Variants in PARVA observed in about 807,000 individuals in gnomAD.
PARVA encodes alpha-parvin.
PARVA carries 25 observed loss-of-function variants against 52.6 expected under a neutral mutation model. That is an observed-to-expected ratio of 0.48 (90% confidence interval 0.35 to 0.66). The LOEUF (loss-of-function observed/expected upper bound fraction) is 0.66, where lower values mean the gene tolerates loss of function less well. PARVA is among the 30% of genes least tolerant of loss of function. The probability of loss-of-function intolerance (pLI) is 0.01; values close to 1 mark genes in which losing one functional copy is unlikely to be tolerated. For synonymous variants in PARVA, 185 were observed against 179.1 expected (o/e 1.03, Z -0.26); for missense variants, 373 against 450.9 (o/e 0.83, Z 1.56).
At chr11:12,429,729 G>T (rs145080541) in intron 1 of PARVA, among the ~76,000 whole-genome samples, 27 of 152,148 alleles carry the variant, frequency 1.8e-4, no homozygotes, top group African/African-American at 6.0e-4. Flanking sequence ...CATTTATGCC[G>T]GTGGTTGCAA....
intron 1 of PARVA, among the ~76,000 whole-genome samples, chr11:12,421,466 T>C (rs758039524): frequency 2.3e-4 from 35 of 152,192 alleles, no homozygotes; most frequent in Non-Finnish European, 1.9e-4. Context: ...ATTTTTTTTC[T>C]TTAATCTGCC....
chr11:12,439,339 T>C (rs1940430154), intron 1 of PARVA, among the ~76,000 whole-genome samples: 1 of 152,216 alleles, frequency 6.6e-6, no homozygotes, highest in Non-Finnish European at 1.5e-5. Context: ...CTATAGACTT[T>C]GGTATAGACA....
chr11:12,437,573 T>C (rs1940403336), intron 1 of PARVA, among the ~76,000 whole-genome samples: 1 of 152,224 alleles, frequency 6.6e-6, no homozygotes. Context: ...TCTTAGGTGC[T>C]CAGTGAAGGT....
At chr11:12,385,314 G>C (rs112200807) in intron 1 of PARVA, among the ~76,000 whole-genome samples, 80 of 152,258 alleles carry the variant, frequency 5.3e-4, no homozygotes, top group African/African-American at 1.6e-3. Flanking sequence ...GTGTGACAGA[G>C]CAAGACCCTG....
intron 6 of PARVA, among the ~76,000 whole-genome samples, chr11:12,508,128 A>G (rs1325243359): frequency 1.3e-5 from 2 of 150,980 alleles, no homozygotes; most frequent in African/African-American, 4.9e-5. Flanking sequence ...AAAAACCAAA[A>G]AAAAAAACCC....
chr11:12,485,677 T>C (rs988554677), intron 4 of PARVA, among the ~76,000 whole-genome samples: 1 of 152,182 alleles, frequency 6.6e-6, no homozygotes, highest in African/African-American at 2.4e-5. Flanking sequence ...CTCTGCCTTA[T>C]AGAATTTCAA....
rs201757014 is a variant in PARVA at position 12,507,970 on chromosome 11, A to AGATGGATG, written c.658-599_658-592dup. Among the ~76,000 whole-genome samples the AGATGGATG allele has an allele frequency of 9.2e-5, 14 of 151,774 alleles. 1 individual carries two copies. Among genetic ancestry groups the AGATGGATG allele is most frequent in the South Asian group, 4.2e-4 (2 of 4,786 alleles). On this transcript the variant is annotated intron_variant, in intron 6 of 12. Coordinates refer to ENST00000334956, the MANE Select transcript of PARVA (RefSeq NM_018222.5). ...ATAAGTTGATGGGAGAAGTGTGGACAGATGGATGGATGGATGGATGGACGG... is the reference window on the plus strand; with the variant it reads ...ATAAGTTGATGGGAGAAGTGTGGACAGATGGATGGATGGATGGATGGATGGATGGACGG...
At chr11:12,471,233 C>T (rs936929195) in intron 1 of PARVA, among the ~76,000 whole-genome samples, 1 of 152,130 alleles carries the variant, frequency 6.6e-6, no homozygotes, top group Non-Finnish European at 1.5e-5. Context: ...CATTTGAGAT[C>T]TCTATTAGTA....
rs75661106 is a variant in PARVA at position 12,395,944 on chromosome 11, G to A, written c.136+18161G>A. The stretch of plus-strand genomic sequence containing the variant: ...TCAGTTCACTTTTAAAACTCAGAAG[G>A]TTGAAAAAGAAAGATTATCCTTGGC... On this transcript the variant is annotated intron_variant, in intron 1 of 12. Transcript: ENST00000334956. 1.2e-3 allele frequency among the ~76,000 whole-genome samples: 176 copies of A among 152,328 alleles called. 1 individual carries two copies. Among genetic ancestry groups the A allele is most frequent in the African/African-American group, 3.8e-3 (156 of 41,582 alleles).
chr11:12,516,746 CCT>C (rs1205973956), intron 10 of PARVA, among the ~76,000 whole-genome samples: 1 of 152,180 alleles, frequency 6.6e-6, no homozygotes, highest in East Asian at 1.9e-4. Flanking sequence ...GTTTACAGGC[CCT>C]CTCTGCATAT....
In PARVA at chr11:12,491,042, C is replaced by T. The variant is rs149099937; in HGVS notation, c.401-5416C>T. Among the ~76,000 whole-genome samples, 29 of 152,066 alleles carry T rather than the reference C, an allele frequency of 1.9e-4. No homozygotes were observed. In the East Asian group the frequency reaches 4.4e-3, roughly 23 times the overall value. On this transcript the variant is annotated intron_variant, in intron 4 of 12. Transcript: ENST00000334956. ...ACAAGGCTGGAAGTGGGAGAAGAAT[C>T]GGAAAACCCACTAAATAGAAAGTTC... is the stretch of plus-strand genomic sequence containing the variant.
chr11:12,478,560 G>A (rs992347714), intron 4 of PARVA: 11 of 168,918 alleles, frequency 6.5e-5, no homozygotes, highest in Non-Finnish European at 1.3e-4. Flanking sequence ...CGTCCCCTCA[G>A]ATTCTCGACT....
chr11:12,389,217 C>A (rs193074146), intron 1 of PARVA, among the ~76,000 whole-genome samples: 1 of 152,222 alleles, frequency 6.6e-6, no homozygotes, highest in African/African-American at 2.4e-5. Flanking sequence ...CAGAAGCAGG[C>A]CTTTATTTGA....
chr11:12,433,213 A>G (rs1236997431), intron 1 of PARVA, among the ~76,000 whole-genome samples: 2 of 152,146 alleles, frequency 1.3e-5, no homozygotes, highest in Non-Finnish European at 2.9e-5. Flanking sequence ...GGAATCTTTT[A>G]TCATTAGCTC....
chr11:12,420,040 G>A (rs1469009516), intron 1 of PARVA, among the ~76,000 whole-genome samples: 6 of 152,066 alleles, frequency 3.9e-5, no homozygotes, highest in South Asian at 2.1e-4. Context: ...GTAATGTTCC[G>A]AATACATACG....
At chr11:12,459,404 C>CA (rs199712760) in intron 1 of PARVA, among the ~76,000 whole-genome samples, 3,901 of 138,740 alleles carry the variant, frequency 0.028, 71 homozygotes, top group African/African-American at 0.049. Context: ...GACCCTGTCT[C>CA]AAAAAAAAAA....
At chr11:12,521,525 G>A (rs1941636379) in intron 12 of PARVA, among the ~76,000 whole-genome samples, 1 of 152,156 alleles carries the variant, frequency 6.6e-6, no homozygotes, top group Non-Finnish European at 1.5e-5. Context: ...AAATAATGTG[G>A]TAGACACCCC....
At chr11:12,452,678 G>A in intron 1 of PARVA, 1 of 202,878 alleles carries the variant, frequency 4.9e-6, no homozygotes, top group South Asian at 8.9e-5. Context: ...TGCTCTACAG[G>A]TAACTTATAC....
intron 1 of PARVA, among the ~76,000 whole-genome samples, chr11:12,472,659 T>C (rs546353249): frequency 6.6e-6 from 1 of 152,102 alleles, no homozygotes; most frequent in Admixed American, 6.5e-5. Context: ...TGCAAGTCTA[T>C]GCTGGCAATT....
Sources: gnomAD v4.1 joint callset for allele counts (sites outside exome capture counted in the v4.1 genomes callset) on GRCh38, gnomAD v4.1.1 for gene constraint, MANE v1.5 for transcripts, NCBI Gene and HGNC (gene_info 2026-07-23, HGNC 2026-07-21) for gene names.